The following RUVBL2 variants were observed in gnomAD, a reference collection of about 807,000 sequenced individuals.
The protein encoded by RUVBL2 is ruvB-like 2.
Under a neutral mutation model 57.9 loss-of-function variants are expected in RUVBL2, and 9 were observed. The ratio of observed to expected loss-of-function variants is 0.16; its 90% CI spans 0.09 to 0.27. The LOEUF (loss-of-function observed/expected upper bound fraction) is 0.27. RUVBL2 is among the 10% of genes least tolerant of loss of function. The pLI is 1.00. For missense variants in RUVBL2, 456 were observed against 669.6 expected (o/e 0.68, Z 3.52); for synonymous variants, 278 against 264.6 (o/e 1.05, Z -0.49).
In RUVBL2 at chr19:49,004,074, C is replaced by T. The variant is rs1331977812; in HGVS notation, c.124-203C>T. The T allele has an allele frequency of 1.1e-5, 7 of 640,674 alleles. No homozygotes were observed. In the Admixed American group the frequency reaches 1.6e-4, roughly 14 times the overall value. The allele number at this position is 640,674 out of a possible 1,614,324, so 39.7% of individuals were successfully genotyped here. ...AAGGCTACAGTGAGCCATGATTGTACCACTGTACTTCAGCCTGGGTGACAG... is the reference window on the plus strand; with the variant it reads ...AAGGCTACAGTGAGCCATGATTGTATCACTGTACTTCAGCCTGGGTGACAG... On this transcript the variant is annotated intron_variant, in intron 3 of 14. Transcript: ENST00000595090.
At chr19:49,012,123 G>C (rs1245574964) in intron 11 of RUVBL2, among the ~76,000 whole-genome samples, 3 of 152,188 alleles carry the variant, frequency 2.0e-5, no homozygotes, top group Non-Finnish European at 4.4e-5. Context: ...CTTGGGCTCA[G>C]TGCTGTACCT....
chr19:49,009,980 A>G lies in RUVBL2; in HGVS notation c.577A>G (p.Ile193Val). 6.3e-7 allele frequency: 1 copy of G among 1,597,232 alleles called. No individual in the cohort carries two copies. Among genetic ancestry groups the G allele is most frequent in the Non-Finnish European group, 8.6e-7 (1 of 1,169,576 alleles). ...CCCCCCATCCCCCTGTAGGGACGTG[A>G]TCACCATCGACAAGGCGACGGGCAA... ...TKDKVQAGDVITIDKATGKIS... is the reference protein window; with the variant it reads ...TKDKVQAGDVVTIDKATGKIS... Residue 193 changes from isoleucine (I) to valine (V), a missense_variant, in exon 8 of 15, where the codon ATC (isoleucine) becomes GTC (valine). Coordinates refer to ENST00000595090, the MANE Select transcript of RUVBL2 (RefSeq NM_006666.3).
intron 11 of RUVBL2, among the ~76,000 whole-genome samples, chr19:49,014,077 G>A (rs1177186288): frequency 6.6e-6 from 1 of 152,202 alleles, no homozygotes; most frequent in East Asian, 1.9e-4. Context: ...GAGTGTTCAC[G>A]ATGACTTTCT....
rs926507102 is a variant in RUVBL2, at chr19:49,010,041, G to A, written c.638G>A (p.Arg213His). ...SKLGRSFTRA[R>H]DYDAMGSQTK... ...CTGGGCCGCTCCTTCACACGCGCCC[G>A]CGACTACGACGCTATGGGCTCCCAG... Residue 213 changes from arginine (R) to histidine (H), a missense_variant, in exon 8 of 15, where the codon CGC (arginine) becomes CAC (histidine). By Grantham distance (29) the Arg-to-His change is conservative. Around this residue, in one of 5 missense-constraint regions of RUVBL2, gnomAD observed 233 missense variants for 306.0 expected, o/e 0.76. Transcript: ENST00000595090. The A allele has an allele frequency of 2.5e-6, 4 of 1,597,220 alleles. No homozygotes were observed. Among genetic ancestry groups the A allele is most frequent in the Non-Finnish European group, 3.4e-6 (4 of 1,171,414 alleles).
At chr19:49,002,445 C>G (rs1403394227) in intron 2 of RUVBL2, among the ~76,000 whole-genome samples, 2 of 152,164 alleles carry the variant, frequency 1.3e-5, no homozygotes, top group Non-Finnish European at 2.9e-5. Flanking sequence ...CCCATCTTCC[C>G]CTCTCGCTGG....
intron 1 of RUVBL2, among the ~76,000 whole-genome samples, chr19:48,997,198 TTCTC>T (rs2039079327): frequency 6.6e-6 from 1 of 152,186 alleles, no homozygotes; most frequent in African/African-American, 2.4e-5. Context: ...CCACTAATCT[TTCTC>T]TGTATATGGA....
chr19:49,007,694 G>C (rs1368891980), intron 6 of RUVBL2, among the ~76,000 whole-genome samples: 2 of 151,616 alleles, frequency 1.3e-5, no homozygotes, highest in African/African-American at 4.9e-5. Flanking sequence ...TGATACAGGT[G>C]ATTTGCTCTC....
rs370430354 is a variant in RUVBL2 at position 49,015,815 on chromosome 19, A to G, written c.1367-2A>G. On this transcript the variant is annotated splice_acceptor_variant, in intron 14 of 14. Transcript: ENST00000595090. LOFTEE classifies it high-confidence loss of function. ...ACCATGTGGCCTTCCTTCTCCCCAC[A>G]GAAGGCGAGACCATGGACACCTCCT... 6.2e-7 allele frequency: 1 copy of G among 1,614,150 alleles called. No individual in the cohort carries two copies. The highest frequency in any genetic ancestry group is 8.5e-7 in the Non-Finnish European group (1 of 1,180,010).
Position 48,993,911 on chromosome 19 carries a change from C to G in RUVBL2, c.-1C>G. On this transcript the variant is annotated 5_prime_UTR_variant, in exon 1 of 15. In the 5' UTR this introduces an upstream ATG that the reference lacks. Transcript: ENST00000595090. ...TAGGACTCTGGCAGTTGGTGAGCAT[C>G]ATGGCAACCGTTGTAAGTGTGGGTG... The G allele has an allele frequency of 6.2e-7, 1 of 1,614,100 alleles. No homozygotes were observed. The highest frequency in any genetic ancestry group is 8.5e-7 in the Non-Finnish European group (1 of 1,180,008).
intron 3 of RUVBL2, 146 bp from the exon 4 acceptor site, chr19:49,004,115 CAAAAAAAAAAAAAAAA>C (rs74182026): frequency 1.7e-5 from 5 of 293,112 alleles, no homozygotes; most frequent in Non-Finnish European, 2.8e-5. Flanking sequence ...GATCTTGTCT[CAAAAAAAAAAAAAAAA>C]AAAAAAAAAG....
intron 1 of RUVBL2, 114 bp from the exon 2 acceptor site, chr19:48,999,205 C>A: frequency 8.7e-7 from 1 of 1,142,982 alleles, no homozygotes; most frequent in Non-Finnish European, 1.3e-6. Flanking sequence ...CCTGTCCCAT[C>A]GCCTGCCTGT....
At chr19:48,998,253 G>A (rs556568567) in intron 1 of RUVBL2, among the ~76,000 whole-genome samples, 1 of 152,202 alleles carries the variant, frequency 6.6e-6, no homozygotes, top group Non-Finnish European at 1.5e-5. Context: ...TCTGGACTCA[G>A]GGGCCAGCAT....
intron 6 of RUVBL2, among the ~76,000 whole-genome samples, chr19:49,008,559 G>A (rs1487064062): frequency 6.7e-6 from 1 of 149,688 alleles, no homozygotes; most frequent in Non-Finnish European, 1.5e-5. Context: ...GCTTTATTGA[G>A]TTTTGGCCAG....
At chr19:49,006,557 G>C (rs2039284825) in intron 4 of RUVBL2, among the ~76,000 whole-genome samples, 14 of 152,254 alleles carry the variant, frequency 9.2e-5, no homozygotes, top group Admixed American at 9.2e-4. Flanking sequence ...GAGCAGTTCA[G>C]ATCGCTCAAG....
chr19:49,009,183 AAAAAAAAAAAAAAG>A (rs2039347875), intron 6 of RUVBL2, among the ~76,000 whole-genome samples: 1 of 144,118 alleles, frequency 6.9e-6, no homozygotes, highest in African/African-American at 2.6e-5. Context: ...AAAAAAAAAA[AAAAAAAAAAAAAAG>A]AGCTTTATTC....
intron 3 of RUVBL2, 130 bp downstream of exon 3, chr19:49,003,464 C>T (rs1387264162): frequency 2.7e-5 from 21 of 777,854 alleles, no homozygotes; most frequent in Non-Finnish European, 4.2e-5. Flanking sequence ...CCATAAACTT[C>T]AACCACATGT....
rs749569863 is a variant in RUVBL2 at position 49,010,166 on chromosome 19, C to T, written c.663+100C>T. ...CCATGGGGTCTGGATCTTCCTGTTACCCTGACTGTTTGTCCTGGTACTCCT... is the reference window on the plus strand; with the variant it reads ...CCATGGGGTCTGGATCTTCCTGTTATCCTGACTGTTTGTCCTGGTACTCCT... On this transcript the variant is annotated intron_variant, in intron 8 of 14. Transcript: ENST00000595090. 9.8e-6 allele frequency: 11 copies of T among 1,117,924 alleles called. 1 individual carries two copies. In the South Asian group the frequency reaches 1.3e-4, roughly 13 times the overall value. The allele number at this position is 1,117,924 out of a possible 1,614,324, so 69.3% of individuals were successfully genotyped here.
At chr19:48,993,658 G>GT, upstream of RUVBL2, 1 of 594,466 alleles carries the variant, frequency 1.7e-6, no homozygotes, top group Non-Finnish European at 3.0e-6. Flanking sequence ...CCTGAGCGGG[G>GT]CGGTGGTGGG....
intron 2 of RUVBL2, 127 bp downstream of exon 2, chr19:48,999,500 A>G (rs974583062): frequency 7.6e-6 from 7 of 919,764 alleles, no homozygotes; most frequent in Non-Finnish European, 1.2e-5. Flanking sequence ...CCCCACTACC[A>G]TTCCCCCACT....
Sources: gnomAD v4.1 joint callset for allele counts (sites outside exome capture counted in the v4.1 genomes callset) on GRCh38, gnomAD v4.1.1 for gene constraint, gnomAD v4.1.1 regional missense constraint, MANE v1.5 for transcripts, NCBI Gene and HGNC (gene_info 2026-07-23, HGNC 2026-07-21) for gene names.